The following C5orf58 variants were observed in gnomAD, a reference collection of about 807,000 sequenced individuals.
The protein encoded by C5orf58 is putative uncharacterized protein C5orf58.
C5orf58 carries 2 observed loss-of-function variants against 2.9 expected under a neutral mutation model. The observed-to-expected ratio is 0.69, with a 90% CI of 0.28 to 2.18. C5orf58 has a LOEUF of 2.18. C5orf58 is among the 30% of genes most tolerant of loss of function. The pLI is 0.13. For synonymous variants in C5orf58, 37 were observed against 33.4 expected (o/e 1.11, Z -0.37); for missense variants, 96 against 91.7 (o/e 1.05, Z -0.19).
intron 3 of C5orf58, among the ~76,000 whole-genome samples, chr5:170,244,734 G>A (rs150444187): frequency 7.9e-5 from 12 of 151,976 alleles, no homozygotes; most frequent in Non-Finnish European, 1.3e-4. Flanking sequence ...ATGTCCTCCC[G>A]TTAGCTCAGA....
At chr5:170,250,026 C>T (rs1027491502), downstream of C5orf58, among the ~76,000 whole-genome samples, 62 of 152,298 alleles carry the variant, frequency 4.1e-4, no homozygotes, top group African/African-American at 1.5e-3. Flanking sequence ...TTAACATTAT[C>T]ATAACAGAAG....
At chr5:170,235,496 G>A (rs1760705868) in intron 3 of C5orf58, among the ~76,000 whole-genome samples, 1 of 152,180 alleles carries the variant, frequency 6.6e-6, no homozygotes, top group East Asian at 1.9e-4. Flanking sequence ...AGTAGGATTA[G>A]ACCTTATAGG....
chr5:170,234,572 A>G (rs1333313016), intron 2 of C5orf58, among the ~76,000 whole-genome samples: 3 of 152,238 alleles, frequency 2.0e-5, no homozygotes, highest in Non-Finnish European at 4.4e-5. Context: ...TACTTAAATC[A>G]TATGTGGGCC....
intron 3 of C5orf58, among the ~76,000 whole-genome samples, chr5:170,243,045 C>A (rs1433414403): frequency 1.3e-5 from 2 of 149,090 alleles, no homozygotes; most frequent in African/African-American, 2.5e-5. Flanking sequence ...ATCCAGTAGT[C>A]ATTCAGGAGC....
chr5:170,248,915 T>C (rs983624120), downstream of C5orf58: 2 of 1,223,098 alleles, frequency 1.6e-6, no homozygotes, highest in African/African-American at 1.5e-5. Context: ...TGCTGCCTCT[T>C]CAAGTGATGA....
chr5:170,252,248 G>A (rs559841458), downstream of C5orf58: 40 of 403,036 alleles, frequency 9.9e-5, no homozygotes, highest in Admixed American at 5.5e-4. Context: ...AATGATTCCC[G>A]AGCCTAGGAA....
downstream of C5orf58, chr5:170,252,205 C>A: frequency 2.8e-6 from 1 of 359,212 alleles, no homozygotes; most frequent in South Asian, 6.5e-5. Context: ...TGCTGCCAAC[C>A]AAATGACTGC....
At chr5:170,237,101 A>G (rs1261618975) in intron 3 of C5orf58, among the ~76,000 whole-genome samples, 2 of 152,228 alleles carry the variant, frequency 1.3e-5, no homozygotes, top group African/African-American at 2.4e-5. Context: ...ATTCTTTCAT[A>G]AAATAAAATG....
intron 3 of C5orf58, among the ~76,000 whole-genome samples, chr5:170,238,233 AATT>A (rs1390214724): frequency 6.6e-6 from 1 of 152,174 alleles, no homozygotes; most frequent in African/African-American, 2.4e-5. Flanking sequence ...AATTTCAAGA[AATT>A]ATTAATATTC....
At chr5:170,250,874 A>T, downstream of C5orf58, 1 of 1,613,512 alleles carries the variant, frequency 6.2e-7, no homozygotes, top group Non-Finnish European at 8.5e-7. Flanking sequence ...CTCTGACCAG[A>T]AATGTGCCAT....
At chr5:170,237,241 C>CTG (rs1210906470) in intron 3 of C5orf58, 1 of 398,302 alleles carries the variant, frequency 2.5e-6, no homozygotes, top group East Asian at 3.6e-5. Context: ...AATGAACACT[C>CTG]TGTGCACCCT....
Position 170,234,113 on chromosome 5 carries a change from A to G in C5orf58, c.-84-2A>G. ...TTATTAATGTCTGGGAAACAAAATT[A>G]GTTTTTTTACAGTGGCTCTGAAATG... On this transcript the variant is annotated splice_acceptor_variant, in intron 1 of 3. Coordinates refer to ENST00000593851, the MANE Select transcript of C5orf58 (RefSeq NM_001102609.3). LOFTEE classifies it low-confidence loss of function (5UTR_SPLICE). The G allele has an allele frequency of 3.7e-6, 5 of 1,365,936 alleles. No homozygotes were observed. Among genetic ancestry groups the G allele is most frequent in the Non-Finnish European group, 3.9e-6 (4 of 1,020,364 alleles). 84.6% of individuals were successfully genotyped at this position (1,365,936 alleles called of 1,614,324 possible).
At chr5:170,247,175 C>T (rs1442280330), downstream of C5orf58, 1 of 152,180 alleles carries the variant, frequency 6.6e-6, no homozygotes, top group African/African-American at 2.4e-5. Flanking sequence ...ACAGAAGAGC[C>T]ACTAAGTAAA....
chr5:170,234,322 C>T (rs190555797), intron 2 of C5orf58, 124 bp downstream of exon 2: 68 of 474,172 alleles, frequency 1.4e-4, no homozygotes, highest in African/African-American at 1.3e-3. Context: ...GACTGAACAG[C>T]TTAAGACTAG....
intron 2 of C5orf58, 49 bp from the exon 3 acceptor site, chr5:170,234,928 C>T (rs746413537): frequency 1.4e-6 from 1 of 736,876 alleles, no homozygotes; most frequent in South Asian, 2.0e-5. Context: ...TTTAAAAGTA[C>T]ACATAAATAC....
intron 3 of C5orf58, among the ~76,000 whole-genome samples, chr5:170,240,763 G>A (rs1457458539): frequency 1.3e-5 from 2 of 149,322 alleles, no homozygotes; most frequent in Non-Finnish European, 3.0e-5. Flanking sequence ...TTGCTGTGCA[G>A]AAGCTCTTTA....
At chr5:170,245,760 A>G (rs1281620711) in intron 3 of C5orf58, among the ~76,000 whole-genome samples, 1 of 152,176 alleles carries the variant, frequency 6.6e-6, no homozygotes, top group African/African-American at 2.4e-5. Context: ...GGAGCTGTAG[A>G]CCGGAGCTGT....
Position 170,237,247 on chromosome 5 carries a change from A to G in C5orf58, c.94+2177A>G, listed in dbSNP as rs1385541943. ...AGAGGATTAAATGAACACTCTGTGC[A>G]CCCTCACTTCCTCCCCTAAATAGTA... is the stretch of plus-strand genomic sequence containing the variant. On this transcript the variant is annotated intron_variant, in intron 3 of 3. Transcript: ENST00000593851. 5 of 398,268 alleles carry G rather than the reference A, an allele frequency of 1.3e-5. No homozygotes were observed. In the East Asian group the frequency reaches 1.8e-4, roughly 14 times the overall value. 24.7% of individuals were successfully genotyped at this position (398,268 alleles called of 1,614,324 possible). A position where few individuals can be genotyped will look rare whatever the true frequency, so the allele number is the denominator to read the frequency against.
At chr5:170,248,356 T>A (rs1232059262), downstream of C5orf58, 1 of 214,006 alleles carries the variant, frequency 4.7e-6, no homozygotes, top group East Asian at 1.8e-4. Flanking sequence ...TGTTTCAGTG[T>A]TTTAAAACTT....
Sources: allele counts gnomAD v4.1 joint callset (sites outside exome capture counted in the v4.1 genomes callset), GRCh38; gene constraint gnomAD v4.1.1; transcripts MANE v1.5; gene names NCBI Gene and HGNC (gene_info 2026-07-23, HGNC 2026-07-21).